The following SYT7 variants were observed in gnomAD, a reference collection of about 807,000 sequenced individuals.
The protein encoded by SYT7 is synaptotagmin 7, also known as synaptotagmin-7.
SYT7 carries 29 observed loss-of-function variants against 75.1 expected under a neutral mutation model. That is an observed-to-expected ratio of 0.39 (90% CI 0.29 to 0.53). The LOEUF is 0.53. SYT7 is among the 20% of genes least tolerant of loss of function. The pLI is 0.77. For missense variants in SYT7, 693 were observed against 953.2 expected, an observed-to-expected ratio of 0.73 and a Z score of 3.59; for synonymous variants, 376 against 401.7, an observed-to-expected ratio of 0.94 and a Z score of 0.76.
chr11:61,533,644 T>A, intron 7 of SYT7: 1 of 985,308 alleles, frequency 1.0e-6, no homozygotes, highest in Non-Finnish European at 1.2e-6. Context: ...CTTCCCACCC[T>A]CCAGACGTGA....
intron 2 of SYT7, among the ~76,000 whole-genome samples, chr11:61,552,485 CAT>C (rs1473132748): frequency 6.6e-6 from 1 of 151,680 alleles, no homozygotes; most frequent in South Asian, 2.1e-4. Context: ...CACACACACA[CAT>C]GCACACACAC....
At position 61,542,575 on chromosome 11, in the gene SYT7, C is replaced by G. The variant is rs1032722991; in HGVS notation, c.577G>C (p.Glu193Gln). Residue 193 changes from glutamate to glutamine, a missense_variant, in exon 6 of 13, where the codon GAG (glutamate) becomes CAG (glutamine). Coordinates refer to ENST00000539008, the MANE Select transcript of SYT7 (RefSeq NM_001365809.2). This position sits in a 1 kb window ranked among gnomAD's most constrained non-coding sequence, Gnocchi z 7.8. The stretch of plus-strand genomic sequence containing the variant: ...GTGGCCGTGGACAGGGTGGAGTCCT[C>G]GAAACTTGGGGCAGGTGGAGGAGAG... Reference protein sequence around the residue: ...AAGKLNLSNFEDSTLSTATTL... With the variant: ...AAGKLNLSNFQDSTLSTATTL... 43 of 1,490,160 alleles carry G rather than the reference C, an allele frequency of 2.9e-5. No individual in the cohort carries two copies. Among genetic ancestry groups the G allele is most frequent in the Non-Finnish European group, 3.7e-5 (41 of 1,122,262 alleles). 92.3% of individuals were successfully genotyped at this position (1,490,160 alleles called of 1,614,324 possible). A position where few individuals can be genotyped will look rare whatever the true frequency, so the allele number is the denominator to read the frequency against.
In SYT7 at chr11:61,523,076, T is replaced by C. The variant is rs893822027; in HGVS notation, c.1955A>G (p.Lys652Arg). 1.2e-6 allele frequency: 2 copies of C among 1,614,138 alleles called. No homozygotes were observed. The highest frequency in any genetic ancestry group is 1.7e-6 in the Non-Finnish European group (2 of 1,180,030). Residue 652 changes from lysine (K) to arginine (R), a missense_variant and splice_region_variant, in exon 12 of 13, where the codon AAG (lysine) becomes AGG (arginine). Physicochemically the swap from Lys to Arg is conservative, Grantham distance 26. Around this residue, in one of 2 missense-constraint regions of SYT7, gnomAD observed 206 missense variants for 360.0 expected, o/e 0.57. Transcript: ENST00000539008. The surrounding 1 kb of genome is among the most constrained non-coding windows in gnomAD (Gnocchi z 5.0). ...CCACACCACCTGCCTCGCCCCTACCTTGCCGATGACGTCATTGCGGCTGAG... is the reference window on the plus strand; with the variant it reads ...CCACACCACCTGCCTCGCCCCTACCCTGCCGATGACGTCATTGCGGCTGAG... ...DKLSRNDVIG[K>R]IYLSWKSGPG...
intron 1 of SYT7, among the ~76,000 whole-genome samples, chr11:61,557,081 T>G (rs1413450126): frequency 6.6e-6 from 1 of 152,230 alleles, no homozygotes; most frequent in Non-Finnish European, 1.5e-5. Flanking sequence ...AGCACTTGGT[T>G]TCTTCCTCTG....
chr11:61,522,503 A>G (rs777392123), intron 12 of SYT7, among the ~76,000 whole-genome samples: 1 of 152,090 alleles, frequency 6.6e-6, no homozygotes, highest in Non-Finnish European at 1.5e-5. Flanking sequence ...TTTCTACAAG[A>G]AGAACATCCA....
intron 2 of SYT7, among the ~76,000 whole-genome samples, chr11:61,555,029 A>C (rs569341337): frequency 6.6e-6 from 1 of 152,274 alleles, no homozygotes; most frequent in East Asian, 1.9e-4. Flanking sequence ...CAAGACCCCA[A>C]AACCTTTTCC....
chr11:61,557,687 C>T (rs574833955), intron 1 of SYT7, among the ~76,000 whole-genome samples: 1 of 152,356 alleles, frequency 6.6e-6, no homozygotes, highest in African/African-American at 2.4e-5. Context: ...ACCAAGTCTG[C>T]AGCCTCAACC....
rs192017412 is a variant in SYT7 at position 61,531,460 on chromosome 11, G to A, written c.1200+1529C>T. Reference sequence around the variant, plus strand: ...AGACAGCTGGGGCCAGTCTTCCTGGGGGGGGGAAGATGGAAGGAGGGCAGT... The same window carrying A: ...AGACAGCTGGGGCCAGTCTTCCTGGAGGGGGGAAGATGGAAGGAGGGCAGT... On this transcript the variant is annotated intron_variant, in intron 8 of 12. Coordinates refer to ENST00000539008, the MANE Select transcript of SYT7 (RefSeq NM_001365809.2). Among the ~76,000 whole-genome samples the A allele has an allele frequency of 2.0e-4, 31 of 152,236 alleles. 1 individual carries two copies. Among genetic ancestry groups the A allele is most frequent in the Admixed American group, 8.5e-4 (13 of 15,290 alleles).
At chr11:61,581,779 G>A (rs946692483), upstream of SYT7, among the ~76,000 whole-genome samples, 28 of 152,194 alleles carry the variant, frequency 1.8e-4, no homozygotes, top group Non-Finnish European at 1.5e-5. Context: ...TCCCTCTATA[G>A]CAGCAGCTCC....
rs1163852542 is a variant in SYT7 at position 61,547,151 on chromosome 11, T to C, written c.347+26A>G. On this transcript the variant is annotated intron_variant, in intron 4 of 12. Coordinates refer to ENST00000539008, the MANE Select transcript of SYT7 (RefSeq NM_001365809.2). ...GGCGTGCGCGGATACTCGGTACATA[T>C]GATCAAACCAGGTAAAGTCACTCAC... 2.0e-6 allele frequency: 3 copies of C among 1,534,162 alleles called. No homozygotes were observed. In the Admixed American group the frequency reaches 5.9e-5, roughly 30 times the overall value.
chr11:61,547,499 T>TACACGC (rs150704667), intron 3 of SYT7, among the ~76,000 whole-genome samples, 191 bp from the exon 4 acceptor site: 2,680 of 152,100 alleles, frequency 0.018, 77 homozygotes, highest in African/African-American at 0.055. Flanking sequence ...CACGCACGCA[T>TACACGC]ACACGCACAC....
chr11:61,577,604 T>C lies in SYT7; in HGVS notation c.31+3186A>G, dbSNP rs190726479. ...GACTGGAGGGTTGGCCTGGACAATC[T>C]AGTGGATCCTTCACCTTGAGAGAAG... On this transcript the variant is annotated intron_variant, in intron 1 of 12. Coordinates refer to ENST00000539008, the MANE Select transcript of SYT7 (RefSeq NM_001365809.2). Among the ~76,000 whole-genome samples the C allele has an allele frequency of 6.6e-5, 10 of 152,344 alleles. No homozygotes were observed. The East Asian group carries it at 1.7e-3, about 27-fold the overall frequency.
rs2063081580 is a variant in SYT7, at chr11:61,542,734, TCGC to T, written c.573-158_573-156del. ...TCCATCGGAGCTGTCGCCACCGCCG[TCGC>T]CGCCACTGCCTCGCCCAGGAGGCTG... On this transcript the variant is annotated intron_variant, in intron 5 of 12. Transcript: ENST00000539008. The surrounding 1 kb of genome is among the most constrained non-coding windows in gnomAD (Gnocchi z 7.8). Among the ~76,000 whole-genome samples, 1 of 152,122 alleles carries T rather than the reference TCGC, an allele frequency of 6.6e-6. No homozygotes were observed. The highest frequency in any genetic ancestry group is 1.5e-5 in the Non-Finnish European group (1 of 67,998).
intron 9 of SYT7, among the ~76,000 whole-genome samples, chr11:61,527,208 T>C (rs2062547792): frequency 6.6e-6 from 1 of 152,158 alleles, no homozygotes; most frequent in African/African-American, 2.4e-5. Flanking sequence ...TCCCGTCCCA[T>C]GCGGGGGAGG....
rs190766359 is a variant in SYT7 at position 61,523,526 on chromosome 11, A to G, written c.1757-252T>C. On this transcript the variant is annotated intron_variant, in intron 11 of 12. Coordinates refer to ENST00000539008, the MANE Select transcript of SYT7 (RefSeq NM_001365809.2). This position sits in a 1 kb window ranked among gnomAD's most constrained non-coding sequence, Gnocchi z 5.0. Reference sequence around the variant, plus strand: ...GAGGCCAGGTCTTGCCCAAAATCTCAGACAAGTAGCATCAGAGCTGGGGAT... The same window carrying G: ...GAGGCCAGGTCTTGCCCAAAATCTCGGACAAGTAGCATCAGAGCTGGGGAT... 5.1e-4 allele frequency among the ~76,000 whole-genome samples: 78 copies of G among 152,300 alleles called. No homozygotes were observed. Among genetic ancestry groups the G allele is most frequent in the African/African-American group, 1.4e-3 (59 of 41,562 alleles).
At position 61,553,580 on chromosome 11, in the gene SYT7, C is replaced by A. The variant is rs2063412413; in HGVS notation, c.136-2117G>T. 6.6e-6 allele frequency among the ~76,000 whole-genome samples: 1 copy of A among 152,192 alleles called. No homozygotes were observed. The highest frequency in any genetic ancestry group is 2.4e-5 in the African/African-American group (1 of 41,458). On this transcript the variant is annotated intron_variant, in intron 2 of 12. Transcript: ENST00000539008. The surrounding 1 kb of genome is among the most constrained non-coding windows in gnomAD (Gnocchi z 5.2). ...CCCTCTGGCTTCGACTATTGCTCTG[C>A]AGCAGGAGCCGAGGTGCTATGGGGG...
At position 61,524,330 on chromosome 11, in the gene SYT7, C is replaced by T; in HGVS notation, c.1641+33G>A. Reference sequence around the variant, plus strand: ...AGATCTCCCAGCCCTGCCCTGCTGCCTGTCCAGCTAAGACCCACCCATGGG... The same window carrying T: ...AGATCTCCCAGCCCTGCCCTGCTGCTTGTCCAGCTAAGACCCACCCATGGG... On this transcript the variant is annotated intron_variant, in intron 10 of 12. Transcript: ENST00000539008. This position sits in a 1 kb window ranked among gnomAD's most constrained non-coding sequence, Gnocchi z 4.1. 6.2e-7 allele frequency: 1 copy of T among 1,611,438 alleles called. No individual in the cohort carries two copies. Among genetic ancestry groups the T allele is most frequent in the Non-Finnish European group, 8.5e-7 (1 of 1,178,724 alleles).
chr11:61,542,357 C>T lies in SYT7; in HGVS notation c.795G>A (p.Arg265=), dbSNP rs2063068326. 2 of 1,530,442 alleles carry T rather than the reference C, an allele frequency of 1.3e-6. No individual in the cohort carries two copies. The highest frequency in any genetic ancestry group is 2.0e-5 in the Admixed American group (1 of 50,638). The allele number at this position is 1,530,442 out of a possible 1,614,324, so 94.8% of individuals were successfully genotyped here. The part of the protein sequence containing the change: ...HMASAPGPNP[R]AYGRGQARQG... ...GCCGAGCCTGGCCCCGGCCATAGGC[C>T]CGGGGGTTGGGGCCTGGTGCCGAGG... The change falls in exon 6 of 13, where the codon CGG becomes CGA. Residue 265 remains arginine (R), a synonymous_variant. Transcript: ENST00000539008. The surrounding 1 kb of genome is among the most constrained non-coding windows in gnomAD (Gnocchi z 7.8).
Position 61,524,400 on chromosome 11 carries a change from G to A in SYT7, c.1604C>T (p.Thr535Ile). ...GCATGGCTTCAGATCCTTCCAGAAGGTCTGCATCTGGGTCAGGTCCACCTT... is the reference window on the plus strand; with the variant it reads ...GCATGGCTTCAGATCCTTCCAGAAGATCTGCATCTGGGTCAGGTCCACCTT... Reference protein sequence around the residue: ...LNKVDLTQMQTFWKDLKPCSD... With the variant: ...LNKVDLTQMQIFWKDLKPCSD... The change falls in exon 10 of 13, where the codon ACC becomes ATC. Residue 535 changes from threonine (T) to isoleucine (I), a missense_variant. Thr to Ile is a moderately conservative substitution (Grantham distance 89). This residue lies in a region of SYT7 where 206 missense variants were observed against 360.0 expected (regional missense o/e 0.57). Coordinates refer to ENST00000539008, the MANE Select transcript of SYT7 (RefSeq NM_001365809.2). This position sits in a 1 kb window ranked among gnomAD's most constrained non-coding sequence, Gnocchi z 4.1. The A allele has an allele frequency of 6.2e-7, 1 of 1,614,120 alleles. No homozygotes were observed. Among genetic ancestry groups the A allele is most frequent in the Non-Finnish European group, 8.5e-7 (1 of 1,179,976 alleles).
Sources: allele counts gnomAD v4.1 joint callset (sites outside exome capture counted in the v4.1 genomes callset), GRCh38; gene constraint gnomAD v4.1.1; regional missense constraint gnomAD v4.1.1; non-coding constraint Gnocchi (gnomAD v3.1); transcripts MANE v1.5; gene names NCBI Gene and HGNC (gene_info 2026-07-23, HGNC 2026-07-21).